The following RAP1GDS1 variants were observed in gnomAD, a reference collection of about 807,000 sequenced individuals.
RAP1GDS1 encodes Rap1 GTPase-GDP dissociation stimulator 1.
In RAP1GDS1, 35 loss-of-function variants were observed where a neutral mutation model predicts 71.1. That is an observed-to-expected ratio of 0.49 (90% confidence interval 0.38 to 0.65). The LOEUF is 0.65. Among genes scored for constraint, RAP1GDS1 ranks in the 30% least tolerant of loss-of-function variants. The pLI is 0.00. For missense variants in RAP1GDS1, 663 were observed against 706.1 expected (o/e 0.94, Z 0.69); for synonymous variants, 229 against 243.1 (o/e 0.94, Z 0.54).
At position 98,324,095 on chromosome 4, in the gene RAP1GDS1, C is replaced by A. The variant is rs554032131; in HGVS notation, c.113-19044C>A. Among the ~76,000 whole-genome samples, 1,015 of 150,896 alleles carry A rather than the reference C, an allele frequency of 6.7e-3. 16 individuals carry two copies. Among genetic ancestry groups the A allele is most frequent in the African/African-American group, 0.023 (948 of 40,808 alleles). On this transcript the variant is annotated intron_variant, in intron 2 of 14. Coordinates refer to ENST00000408927, the MANE Select transcript of RAP1GDS1 (RefSeq NM_001100427.2). ...AGTCTCAGGATACAAAATCAATGTA[C>A]AAAAATCACAAGCATTCTTATACAC...
Position 98,404,002 on chromosome 4 carries a change from A to G in RAP1GDS1, c.638-475A>G, listed in dbSNP as rs868439459. ...CCAAAGTATATATAAATGCTGATCA[A>G]TGGTGAGGCTCTAGGAGAGGTTGGA... On this transcript the variant is annotated intron_variant, in intron 6 of 14. Coordinates refer to ENST00000408927, the MANE Select transcript of RAP1GDS1 (RefSeq NM_001100427.2). Among the ~76,000 whole-genome samples the G allele has an allele frequency of 4.6e-5, 7 of 152,286 alleles. No individual in the cohort carries two copies. The South Asian group carries it at 1.5e-3, about 32-fold the overall frequency.
chr4:98,290,872 A>G (rs1441730845), intron 1 of RAP1GDS1, among the ~76,000 whole-genome samples: 1 of 152,058 alleles, frequency 6.6e-6, no homozygotes, highest in Non-Finnish European at 1.5e-5. Context: ...ATACCATCCT[A>G]ATATTCTGAA....
chr4:98,321,624 T>C (rs1222129022), intron 2 of RAP1GDS1, among the ~76,000 whole-genome samples: 2 of 150,896 alleles, frequency 1.3e-5, no homozygotes, highest in African/African-American at 4.9e-5. Flanking sequence ...TCAACATTCT[T>C]AAAGAAAAGA....
Position 98,418,702 on chromosome 4 carries a change from T to C in RAP1GDS1, c.1085T>C (p.Leu362Pro). The C allele has an allele frequency of 6.2e-7, 1 of 1,611,796 alleles. No individual in the cohort carries two copies. The highest frequency in any genetic ancestry group is 8.5e-7 in the Non-Finnish European group (1 of 1,179,078). The change falls in exon 10 of 15, where the codon CTT becomes CCT. Residue 362 changes from leucine (L) to proline (P), a missense_variant. Physicochemically the swap from Leu to Pro is moderately conservative, Grantham distance 98 (BLOSUM62 -3). Transcript: ENST00000408927. ...HMVDNGIVEK[L>P]MDLLDRHVED... Reference sequence around the variant, plus strand: ...GTAGACAATGGGATTGTAGAAAAACTTATGGATTTACTGGACAGACATGTA... The same window carrying C: ...GTAGACAATGGGATTGTAGAAAAACCTATGGATTTACTGGACAGACATGTA...
chr4:98,314,432 A>G (rs937089931), intron 2 of RAP1GDS1, among the ~76,000 whole-genome samples: 4 of 152,202 alleles, frequency 2.6e-5, no homozygotes, highest in African/African-American at 4.8e-5. Flanking sequence ...TCTCTTTGTA[A>G]ACTCAATCCT....
rs187646286 is a variant in RAP1GDS1 at position 98,381,718 on chromosome 4, G to C, written c.508+2555G>C. On this transcript the variant is annotated intron_variant, in intron 5 of 14. Coordinates refer to ENST00000408927, the MANE Select transcript of RAP1GDS1 (RefSeq NM_001100427.2). ...TAAGTAAAATATTGAGTGACAAATAGCTTTTTCCTGCTGTAGTAGAAAAGT... is the reference window on the plus strand; with the variant it reads ...TAAGTAAAATATTGAGTGACAAATACCTTTTTCCTGCTGTAGTAGAAAAGT... Among the ~76,000 whole-genome samples, 434 of 151,622 alleles carry C rather than the reference G, an allele frequency of 2.9e-3. 1 individual carries two copies. Among genetic ancestry groups the C allele is most frequent in the African/African-American group, 9.9e-3 (411 of 41,496 alleles).
intron 1 of RAP1GDS1, among the ~76,000 whole-genome samples, chr4:98,276,221 C>G (rs1419418243): frequency 6.6e-6 from 1 of 152,108 alleles, no homozygotes; most frequent in Non-Finnish European, 1.5e-5. Context: ...ATTCCATTCA[C>G]AAGGGCTCCA....
rs75869004 is a variant in RAP1GDS1, at chr4:98,404,007, G to A, written c.638-470G>A. Among the ~76,000 whole-genome samples, 10 of 152,292 alleles carry A rather than the reference G, an allele frequency of 6.6e-5. No homozygotes were observed. In the East Asian group the frequency reaches 1.9e-3, roughly 29 times the overall value. Reference sequence around the variant, plus strand: ...GTATATATAAATGCTGATCAATGGTGAGGCTCTAGGAGAGGTTGGAGATGC... The same window carrying A: ...GTATATATAAATGCTGATCAATGGTAAGGCTCTAGGAGAGGTTGGAGATGC... On this transcript the variant is annotated intron_variant, in intron 6 of 14. Transcript: ENST00000408927.
chr4:98,353,442 G>C lies in RAP1GDS1; in HGVS notation c.361+841G>C, dbSNP rs532726070. Among the ~76,000 whole-genome samples, 77 of 152,168 alleles carry C rather than the reference G, an allele frequency of 5.1e-4. 1 individual carries two copies. In the South Asian group the frequency reaches 0.016, roughly 31 times the overall value. On this transcript the variant is annotated intron_variant, in intron 4 of 14. Transcript: ENST00000408927. ...ATTTTGTTATAACACAAAAGATATG[G>C]CCCTTTTATAATAGGCAGTCCTTCA... is the stretch of plus-strand genomic sequence containing the variant.
intron 2 of RAP1GDS1, among the ~76,000 whole-genome samples, chr4:98,300,208 G>A (rs1287427428): frequency 6.6e-6 from 1 of 152,102 alleles, no homozygotes; most frequent in Admixed American, 6.6e-5. Context: ...ACCCTGATTA[G>A]GTGGTGGTTA....
chr4:98,274,269 A>G (rs1043842072), intron 1 of RAP1GDS1, among the ~76,000 whole-genome samples: 2 of 150,942 alleles, frequency 1.3e-5, no homozygotes, highest in African/African-American at 4.9e-5. Context: ...AAAAATCACA[A>G]TAAAACTCTG....
chr4:98,308,354 C>G lies in RAP1GDS1; in HGVS notation c.112+14839C>G, dbSNP rs78774156. On this transcript the variant is annotated intron_variant, in intron 2 of 14. Transcript: ENST00000408927. ...ATATGCGCCAGGCATGGTGGTGTGT[C>G]TCTCTATTCCCAGCTATGTGGAAGG... 5.5e-3 allele frequency among the ~76,000 whole-genome samples: 699 copies of G among 126,180 alleles called. 7 individuals carry two copies. Among genetic ancestry groups the G allele is most frequent in the South Asian group, 0.019 (72 of 3,802 alleles). 82.8% of individuals were successfully genotyped at this position (126,180 alleles called of 152,430 possible). A position where few individuals can be genotyped will look rare whatever the true frequency, so the allele number is the denominator to read the frequency against.
chr4:98,284,366 T>G (rs545919882), intron 1 of RAP1GDS1, among the ~76,000 whole-genome samples: 1 of 152,264 alleles, frequency 6.6e-6, no homozygotes, highest in African/African-American at 2.4e-5. Flanking sequence ...ACAGTAGTTT[T>G]TCAACCCCAA....
intron 2 of RAP1GDS1, among the ~76,000 whole-genome samples, chr4:98,296,058 A>AC (rs58480964): frequency 3.3e-5 from 5 of 150,736 alleles, no homozygotes; most frequent in Admixed American, 2.0e-4. Context: ...AACAACAACA[A>AC]AAACACAGAG....
chr4:98,315,021 T>C (rs1268239697), intron 2 of RAP1GDS1, among the ~76,000 whole-genome samples: 1 of 152,202 alleles, frequency 6.6e-6, no homozygotes, highest in Non-Finnish European at 1.5e-5. Context: ...TTTAGAAATG[T>C]AGTGTCTGTA....
chr4:98,409,264 C>G (rs1335708762), intron 7 of RAP1GDS1: 1 of 152,182 alleles, frequency 6.6e-6, no homozygotes, highest in Non-Finnish European at 1.5e-5. Context: ...TTAGCTGGAA[C>G]TGCCACCTTC....
intron 4 of RAP1GDS1, among the ~76,000 whole-genome samples, chr4:98,354,748 A>G (rs1178102702): frequency 6.6e-6 from 1 of 152,130 alleles, no homozygotes; most frequent in African/African-American, 2.4e-5. Context: ...TTTATAACCA[A>G]CTTATCCTCA....
At chr4:98,306,739 G>A (rs926823181) in intron 2 of RAP1GDS1, among the ~76,000 whole-genome samples, 3 of 152,154 alleles carry the variant, frequency 2.0e-5, no homozygotes, top group Admixed American at 6.6e-5. Flanking sequence ...TACTGTGATT[G>A]TAGATGTTTG....
intron 2 of RAP1GDS1, among the ~76,000 whole-genome samples, chr4:98,334,451 G>A (rs577228324): frequency 2.0e-5 from 3 of 152,260 alleles, no homozygotes; most frequent in East Asian, 3.9e-4. Context: ...TTGAATTTTC[G>A]GTAACAAGTC....
Sources: gnomAD v4.1 joint callset for allele counts (sites outside exome capture counted in the v4.1 genomes callset) on GRCh38, gnomAD v4.1.1 for gene constraint, MANE v1.5 for transcripts, NCBI Gene and HGNC (gene_info 2026-07-23, HGNC 2026-07-21) for gene names.